HIF3A: variants seen among roughly 807,000 people sequenced by gnomAD.
HIF3A encodes hypoxia-inducible factor 3-alpha.
Under a neutral mutation model 67.2 loss-of-function variants are expected in HIF3A, and 41 were observed. The ratio of observed to expected loss-of-function variants is 0.61; its 90% confidence interval spans 0.48 to 0.79. The LOEUF (loss-of-function observed/expected upper bound fraction) is 0.79, where lower values mean the gene tolerates loss of function less well. HIF3A is among the 30% of genes least tolerant of loss of function. HIF3A has a pLI of 0.00. For synonymous variants in HIF3A, 356 were observed against 374.8 expected, an observed-to-expected ratio of 0.95 and a Z score of 0.58; for missense variants, 855 against 898.0, an observed-to-expected ratio of 0.95 and a Z score of 0.61.
In HIF3A at chr19:46,309,983, G is replaced by C. The variant is rs998311491; in HGVS notation, c.770+624G>C. Among the ~76,000 whole-genome samples, 7 of 152,168 alleles carry C rather than the reference G, an allele frequency of 4.6e-5. No individual in the cohort carries two copies. The East Asian group carries it at 1.4e-3, about 29-fold the overall frequency. On this transcript the variant is annotated intron_variant, in intron 6 of 14. Transcript: ENST00000377670. ...CTCATACCTGTAATCCCAGCACTTT[G>C]GGAGGCCAAGGTGGGTGGATCACCT...
chr19:46,301,776 C>T (rs971229845), intron 1 of HIF3A, among the ~76,000 whole-genome samples: 1 of 149,344 alleles, frequency 6.7e-6, no homozygotes, highest in Non-Finnish European at 1.5e-5. Flanking sequence ...GAGCCAAGAT[C>T]GTGCCATTAT....
intron 6 of HIF3A, among the ~76,000 whole-genome samples, chr19:46,311,306 T>G (rs1466688696): frequency 1.3e-5 from 2 of 152,194 alleles, no homozygotes; most frequent in Non-Finnish European, 2.9e-5. Flanking sequence ...AAATTTGAAA[T>G]GAGGCCAGGC....
At chr19:46,309,101 G>A (rs1252327047) in intron 5 of HIF3A, 50 bp from the exon 6 acceptor site, 1 of 1,513,582 alleles carries the variant, frequency 6.6e-7, no homozygotes, top group South Asian at 1.2e-5. Flanking sequence ...CCCATGGGTG[G>A]TCTCAGGCCC....
intron 3 of HIF3A, among the ~76,000 whole-genome samples, chr19:46,308,003 T>C (rs59642371): frequency 9.4e-3 from 129 of 13,656 alleles, no homozygotes; most frequent in East Asian, 0.019. Flanking sequence ...GACAGACAGA[T>C]AGATAGATAG....
At chr19:46,309,095 T>C (rs1197652877) in intron 5 of HIF3A, 56 bp from the exon 6 acceptor site, 2 of 1,474,732 alleles carry the variant, frequency 1.4e-6, no homozygotes, top group East Asian at 2.3e-5. Flanking sequence ...TCCAACCCCA[T>C]GGGTGGTCTC....
At chr19:46,304,235 C>G (rs1968617405) in intron 2 of HIF3A, 147 bp downstream of exon 2, 3 of 677,700 alleles carry the variant, frequency 4.4e-6, no homozygotes, top group East Asian at 2.7e-5. Context: ...GCCCCACCCC[C>G]CTGGAATCGA....
intron 13 of HIF3A, 52 bp from the exon 14 acceptor site, chr19:46,334,853 C>G: frequency 6.7e-7 from 1 of 1,485,360 alleles, no homozygotes; most frequent in Non-Finnish European, 9.3e-7. Flanking sequence ...CCGGCTGTTC[C>G]TTGGATACTA....
rs372749149 is a variant in HIF3A at position 46,334,937 on chromosome 19, G to A, written c.1863G>A (p.Gly621=). ...SFLLTGGPAP[G]SLQDPSTPLL... ...TTCTGACAGGAGGACCAGCCCCAGGGAGCCTGCAGGACCCCAGCACCCCAC... is the reference window on the plus strand; with the variant it reads ...TTCTGACAGGAGGACCAGCCCCAGGAAGCCTGCAGGACCCCAGCACCCCAC... The change falls in exon 14 of 15, where the codon GGG becomes GGA. Residue 621 remains glycine, a synonymous_variant. Coordinates refer to ENST00000377670, the MANE Select transcript of HIF3A (RefSeq NM_152795.4). The A allele has an allele frequency of 1.9e-6, 3 of 1,609,282 alleles. No individual in the cohort carries two copies. The highest frequency in any genetic ancestry group is 2.5e-6 in the Non-Finnish European group (3 of 1,177,978).
chr19:46,298,402 G>A, intron 1 of HIF3A: 1 of 1,288,180 alleles, frequency 7.8e-7, no homozygotes, highest in Non-Finnish European at 1.0e-6. Context: ...TTCCTGTGGA[G>A]TCATCTCACC....
At chr19:46,317,494 T>C (rs1329886217) in intron 8 of HIF3A, among the ~76,000 whole-genome samples, 2 of 152,094 alleles carry the variant, frequency 1.3e-5, no homozygotes, top group Non-Finnish European at 2.9e-5. Flanking sequence ...CCTTCTCACT[T>C]ACCCTCCAAA....
intron 14 of HIF3A, among the ~76,000 whole-genome samples, chr19:46,337,415 C>T (rs773122075): frequency 1.3e-5 from 2 of 152,012 alleles, no homozygotes; most frequent in Non-Finnish European, 2.9e-5. Flanking sequence ...ACTACAAGTG[C>T]GCTTCATTAC....
intron 14 of HIF3A, chr19:46,338,624 C>G: frequency 1.5e-6 from 1 of 661,696 alleles, no homozygotes; most frequent in Non-Finnish European, 1.9e-6. Flanking sequence ...TTCAAAACAC[C>G]TTCCATGGAT....
intron 6 of HIF3A, 30 bp downstream of exon 6, chr19:46,309,389 CA>C (rs1441157289): frequency 6.7e-7 from 1 of 1,488,574 alleles, no homozygotes; most frequent in East Asian, 2.4e-5. Context: ...TCCGTCTGCC[CA>C]AGTTCAAGTG....
Position 46,329,443 on chromosome 19 carries a change from C to T in HIF3A, c.1677C>T (p.Pro559=), listed in dbSNP as rs1971026161. ...GCTCCAGCCCTTCCAGAGGGGACCC[C>T]TCAGCATCCTCTCCCATGGCTGGGG... ...LSCSSPSRGD[P]SASSPMAGAR... The change falls in exon 12 of 15, where the codon CCC becomes CCT. Residue 559 remains proline (P), a synonymous_variant. Coordinates refer to ENST00000377670, the MANE Select transcript of HIF3A (RefSeq NM_152795.4). 1 of 1,549,680 alleles carries T rather than the reference C, an allele frequency of 6.5e-7. No homozygotes were observed. The highest frequency in any genetic ancestry group is 1.4e-5 in the African/African-American group (1 of 73,068).
At chr19:46,316,934 A>G (rs1055551692) in intron 8 of HIF3A, among the ~76,000 whole-genome samples, 1 of 152,212 alleles carries the variant, frequency 6.6e-6, no homozygotes, top group African/African-American at 2.4e-5. Context: ...ACAAATCAAC[A>G]TATACATATG....
chr19:46,335,219 G>T (rs998788723), intron 14 of HIF3A, among the ~76,000 whole-genome samples: 5 of 151,866 alleles, frequency 3.3e-5, no homozygotes, highest in Admixed American at 2.0e-4. Flanking sequence ...CCGAGCCTAG[G>T]TCTCTGGAGC....
At chr19:46,313,067 T>C in intron 8 of HIF3A, 1 of 822,494 alleles carries the variant, frequency 1.2e-6, no homozygotes, top group Non-Finnish European at 1.5e-6. Flanking sequence ...CTGGGCAACA[T>C]GACGAAATGC....
rs1254631946 is a variant in HIF3A, at chr19:46,331,248, ACTTTCTGCT to A, written c.1811_1819del (p.Leu604_Phe606del). 1 of 1,613,760 alleles carries A rather than the reference ACTTTCTGCT, an allele frequency of 6.2e-7. No homozygotes were observed. Among genetic ancestry groups the A allele is most frequent in the East Asian group, 2.2e-5 (1 of 44,876 alleles). On this transcript the variant is annotated inframe_deletion, in exon 13 of 15. Transcript: ENST00000377670. The stretch of plus-strand genomic sequence containing the variant: ...AGGTCCCCCAGCCCAGAACACGAAA[ACTTTCTGCT>A]CTTTCCTCTCAGCCTGGTGTGTTGG...
rs1237446947 is a variant in HIF3A at position 46,343,104 on chromosome 19, A to G, written c.*3482A>G. 3 of 152,758 alleles carry G rather than the reference A, an allele frequency of 2.0e-5. No homozygotes were observed. The highest frequency in any genetic ancestry group is 7.2e-5 in the African/African-American group (3 of 41,438). 9.5% of individuals were successfully genotyped at this position (152,758 alleles called of 1,614,324 possible). A position where few individuals can be genotyped will look rare whatever the true frequency, so the allele number is the denominator to read the frequency against. On this transcript the variant is annotated 3_prime_UTR_variant, in exon 15 of 15. Coordinates refer to ENST00000377670, the MANE Select transcript of HIF3A (RefSeq NM_152795.4). ...AGCCAGGACCCCTCAGCTGTCTGCC[A>G]CCATCTATGTGCCTCCCTTACCCCC...
Sources: gnomAD v4.1 joint callset for allele counts (sites outside exome capture counted in the v4.1 genomes callset) on GRCh38, gnomAD v4.1.1 for gene constraint, MANE v1.5 for transcripts, NCBI Gene and HGNC (gene_info 2026-07-23, HGNC 2026-07-21) for gene names.